TNFRSF19: variants seen among roughly 807,000 people sequenced by gnomAD.
TNFRSF19 encodes tumor necrosis factor receptor superfamily member 19.
TNFRSF19 carries 27 observed loss-of-function variants against 46.4 expected under a neutral mutation model. That is an observed-to-expected ratio of 0.58 (90% CI 0.43 to 0.80). The LOEUF (loss-of-function observed/expected upper bound fraction) is 0.80, where lower values mean the gene tolerates loss of function less well. Ranked by LOEUF, TNFRSF19 falls within the 30% of genes least tolerant of loss-of-function variation. The pLI is 0.00. For synonymous variants in TNFRSF19, 204 were observed against 205.0 expected, an observed-to-expected ratio of 1.00 and a Z score of 0.04; for missense variants, 511 against 530.8, an observed-to-expected ratio of 0.96 and a Z score of 0.37.
At chr13:23,579,767 C>T (rs1473022541) in intron 1 of TNFRSF19, among the ~76,000 whole-genome samples, 6 of 151,984 alleles carry the variant, frequency 3.9e-5, no homozygotes, top group Admixed American at 2.6e-4. Context: ...TGTGAATTCA[C>T]GCCGGGTCCC....
intron 3 of TNFRSF19, among the ~76,000 whole-genome samples, chr13:23,599,720 G>C (rs560139234): frequency 6.6e-6 from 1 of 152,304 alleles, no homozygotes; most frequent in African/African-American, 2.4e-5. Flanking sequence ...GAAGCCTCCA[G>C]GTAGCAGACT....
At chr13:23,609,264 T>C (rs77907216) in intron 3 of TNFRSF19, among the ~76,000 whole-genome samples, 3,303 of 152,168 alleles carry the variant, frequency 0.022, 45 homozygotes, top group Middle Eastern at 0.037. Context: ...TATTTCAGAG[T>C]CAAAAAATAC....
At chr13:23,658,982 C>A in intron 5 of TNFRSF19, 68 bp from the exon 6 acceptor site, 1 of 1,602,388 alleles carries the variant, frequency 6.2e-7, no homozygotes, top group African/African-American at 1.3e-5. Context: ...AGGGTGCCTG[C>A]CAGCTTCGCC....
intron 1 of TNFRSF19, among the ~76,000 whole-genome samples, chr13:23,578,044 C>T (rs1434233195): frequency 6.6e-6 from 1 of 152,082 alleles, no homozygotes; most frequent in Non-Finnish European, 1.5e-5. Context: ...AGTAACTCAG[C>T]TTAGAAGTGC....
In TNFRSF19 at chr13:23,660,476, C is replaced by T. The variant is rs755698902; in HGVS notation, c.722C>T (p.Ser241Leu). The stretch of plus-strand genomic sequence containing the variant: ...GCCTGCTGCCAGTGCCGCCGTGACT[C>T]AGTGCAGACCTGCGGTAAGTTCAGC... ...HRACCQCRRD[S>L]VQTCGPVRLL... Residue 241 changes from serine to leucine, a missense_variant, in exon 7 of 10, where the codon TCA (serine) becomes TTA (leucine). Around this residue, in one of 3 missense-constraint regions of TNFRSF19, gnomAD observed 376 missense variants for 372.7 expected, o/e 1.01. Transcript: ENST00000248484. 3.8e-5 allele frequency: 61 copies of T among 1,613,094 alleles called. No individual in the cohort carries two copies. The highest frequency in any genetic ancestry group is 4.9e-5 in the Non-Finnish European group (58 of 1,179,938).
At chr13:23,598,043 A>G (rs1879864391) in intron 3 of TNFRSF19, among the ~76,000 whole-genome samples, 1 of 152,110 alleles carries the variant, frequency 6.6e-6, no homozygotes, top group Non-Finnish European at 1.5e-5. Flanking sequence ...GACAAAATTC[A>G]CCCCGTCATG....
intron 3 of TNFRSF19, among the ~76,000 whole-genome samples, chr13:23,608,456 G>T (rs1880664348): frequency 6.6e-6 from 1 of 152,178 alleles, no homozygotes; most frequent in Non-Finnish European, 1.5e-5. Context: ...TTATGGACAG[G>T]GAAACTGGGA....
intron 3 of TNFRSF19, among the ~76,000 whole-genome samples, chr13:23,601,671 C>T (rs550377332): frequency 1.3e-5 from 1 of 75,248 alleles, no homozygotes; most frequent in South Asian, 4.7e-4. Context: ...CTTGTGTGTA[C>T]ACACACACAC....
intron 7 of TNFRSF19, among the ~76,000 whole-genome samples, chr13:23,667,522 A>T (rs1393081744): frequency 6.6e-6 from 1 of 152,238 alleles, no homozygotes; most frequent in Non-Finnish European, 1.5e-5. Flanking sequence ...GGTCTCCCAC[A>T]GACTGCTTTA....
At chr13:23,624,883 TG>T (rs1881891554) in intron 4 of TNFRSF19, among the ~76,000 whole-genome samples, 1 of 151,958 alleles carries the variant, frequency 6.6e-6, no homozygotes, top group South Asian at 2.1e-4. Flanking sequence ...CCTGAATAGC[TG>T]GGATTATAGG....
intron 8 of TNFRSF19, among the ~76,000 whole-genome samples, 175 bp downstream of exon 8, chr13:23,668,257 A>G (rs554306247): frequency 6.6e-6 from 1 of 152,200 alleles, no homozygotes; most frequent in African/African-American, 2.4e-5. Context: ...TCTCAAGGTC[A>G]CTCATATCCA....
chr13:23,610,559 C>A (rs1358786313), intron 3 of TNFRSF19, among the ~76,000 whole-genome samples: 3 of 149,242 alleles, frequency 2.0e-5, no homozygotes, highest in African/African-American at 7.4e-5. Context: ...GACTATATGG[C>A]CTCACCACAT....
chr13:23,669,294 G>A (rs1951713934), intron 9 of TNFRSF19, 197 bp downstream of exon 9: 5 of 1,393,330 alleles, frequency 3.6e-6, no homozygotes, highest in Non-Finnish European at 4.6e-6. Flanking sequence ...ATATATAAGA[G>A]CAAAGTGGAC....
In TNFRSF19 at chr13:23,602,415, T is replaced by C. The variant is rs148332971; in HGVS notation, c.180+8960T>C. Among the ~76,000 whole-genome samples, 27 of 152,282 alleles carry C rather than the reference T, an allele frequency of 1.8e-4. No homozygotes were observed. The East Asian group carries it at 5.2e-3, about 29-fold the overall frequency. On this transcript the variant is annotated intron_variant, in intron 3 of 9. Transcript: ENST00000248484. Reference sequence around the variant, plus strand: ...AAGGAGATATAGATAAATCCACTACTGTAGTTGGAGACTTCAACACTATCA... The same window carrying C: ...AAGGAGATATAGATAAATCCACTACCGTAGTTGGAGACTTCAACACTATCA...
At chr13:23,667,804 T>C (rs1170144869) in intron 7 of TNFRSF19, among the ~76,000 whole-genome samples, 176 bp from the exon 8 acceptor site, 1 of 152,068 alleles carries the variant, frequency 6.6e-6, no homozygotes, top group Non-Finnish European at 1.5e-5. Context: ...CGGTACCTTA[T>C]ATAAGTGGCT....
intron 5 of TNFRSF19, among the ~76,000 whole-genome samples, chr13:23,650,545 T>A (rs1164176913): frequency 6.6e-6 from 1 of 152,098 alleles, no homozygotes; most frequent in Non-Finnish European, 1.5e-5. Context: ...AATAGGCAAA[T>A]CCATAGAGAC....
chr13:23,664,111 C>G (rs1054764591), intron 7 of TNFRSF19, among the ~76,000 whole-genome samples: 5 of 152,080 alleles, frequency 3.3e-5, no homozygotes, highest in Non-Finnish European at 5.9e-5. Context: ...AATTTGAGAT[C>G]TTTCTAACTT....
At chr13:23,626,365 A>T (rs1475357303) in intron 4 of TNFRSF19, among the ~76,000 whole-genome samples, 1 of 152,062 alleles carries the variant, frequency 6.6e-6, no homozygotes, top group Non-Finnish European at 1.5e-5. Flanking sequence ...CTGAATTCCA[A>T]ATGCTAAAAC....
At chr13:23,584,535 T>C (rs1379778548) in intron 1 of TNFRSF19, among the ~76,000 whole-genome samples, 4 of 151,822 alleles carry the variant, frequency 2.6e-5, no homozygotes, top group East Asian at 3.9e-4. Flanking sequence ...GCTATAAAAA[T>C]GTGTGTGCAA....
Sources: gnomAD v4.1 joint callset for allele counts (sites outside exome capture counted in the v4.1 genomes callset) on GRCh38, gnomAD v4.1.1 for gene constraint, gnomAD v4.1.1 regional missense constraint, MANE v1.5 for transcripts, NCBI Gene and HGNC (gene_info 2026-07-23, HGNC 2026-07-21) for gene names.